COL19A1: variants seen among roughly 807,000 people sequenced by gnomAD.
The protein encoded by COL19A1 is collagen alpha-1(XIX) chain.
Under a neutral mutation model 190.2 loss-of-function variants are expected in COL19A1, and 159 were observed. The observed-to-expected ratio is 0.84, with a 90% CI of 0.73 to 0.95. The LOEUF (loss-of-function observed/expected upper bound fraction) is 0.95. Among genes scored for constraint, COL19A1 ranks in the 40% least tolerant of loss-of-function variants. COL19A1 has a pLI of 0.00. For synonymous variants in COL19A1, 509 were observed against 458.9 expected (o/e 1.11, Z -1.39); for missense variants, 1,418 against 1,431.9 (o/e 0.99, Z 0.16).
intron 12 of COL19A1, 81 bp from the exon 13 acceptor site, chr6:70,034,164 T>C: frequency 1.0e-6 from 1 of 970,792 alleles, no homozygotes; most frequent in Non-Finnish European, 1.7e-6. Context: ...GTTCAGTAAA[T>C]TATGATTTAT....
In COL19A1 at chr6:70,130,230, A is replaced by G; in HGVS notation, c.1383+7A>G. 1 of 1,610,512 alleles carries G rather than the reference A, an allele frequency of 6.2e-7. No homozygotes were observed. Among genetic ancestry groups the G allele is most frequent in the Non-Finnish European group, 8.5e-7 (1 of 1,178,600 alleles). The stretch of plus-strand genomic sequence containing the variant: ...AGGCCTGAAAGGAGACAAGGTAATC[A>G]GATTTTTTTTTTTTAGATGGAGTCT... On this transcript the variant is annotated splice_region_variant and intron_variant, in intron 18 of 50. Coordinates refer to ENST00000620364, the MANE Select transcript of COL19A1 (RefSeq NM_001858.6).
chr6:70,204,039 T>G (rs1465408050), intron 49 of COL19A1, among the ~76,000 whole-genome samples: 1 of 152,130 alleles, frequency 6.6e-6, no homozygotes, highest in Non-Finnish European at 1.5e-5. Context: ...TTTTGTATTT[T>G]TAGTAGAGAT....
At chr6:70,200,141 G>C (rs1767462285) in intron 49 of COL19A1, among the ~76,000 whole-genome samples, 1 of 152,152 alleles carries the variant, frequency 6.6e-6, no homozygotes, top group South Asian at 2.1e-4. Context: ...TGGAGAAAGA[G>C]TTTTAGGTGA....
chr6:70,025,694 T>C (rs6935032), intron 12 of COL19A1, among the ~76,000 whole-genome samples: 14,633 of 152,300 alleles, frequency 0.096, 777 homozygotes, highest in East Asian at 0.2. Context: ...AGACCATGTG[T>C]TGGAATCCTA....
chr6:70,005,818 G>A (rs958760162), intron 11 of COL19A1, among the ~76,000 whole-genome samples: 3 of 152,020 alleles, frequency 2.0e-5, no homozygotes, highest in African/African-American at 7.3e-5. Context: ...AGGGGCTCAT[G>A]CCCAGGGAGA....
At chr6:70,115,825 G>GTTTTTTTTT (rs57814985) in intron 16 of COL19A1, among the ~76,000 whole-genome samples, 115 of 117,148 alleles carry the variant, frequency 9.8e-4, no homozygotes, top group African/African-American at 1.6e-3. Flanking sequence ...TTGGTGTTTT[G>GTTTTTTTTT]TTTTTTTTTT....
intron 12 of COL19A1, among the ~76,000 whole-genome samples, chr6:70,028,850 G>A (rs1778867715): frequency 6.6e-6 from 1 of 152,078 alleles, no homozygotes; most frequent in South Asian, 2.1e-4. Flanking sequence ...CATAGGGCAA[G>A]AACTATATAA....
intron 2 of COL19A1, among the ~76,000 whole-genome samples, chr6:69,892,217 A>G (rs781551865): frequency 9.9e-5 from 15 of 152,208 alleles, no homozygotes; most frequent in Admixed American, 1.3e-4. Flanking sequence ...GATTTGCAGG[A>G]TAATTGCTCA....
intron 11 of COL19A1, among the ~76,000 whole-genome samples, chr6:69,980,191 A>G (rs1175349323): frequency 6.6e-6 from 1 of 152,074 alleles, no homozygotes; most frequent in Non-Finnish European, 1.5e-5. Flanking sequence ...CTATAATGTC[A>G]TAGTAACAAA....
At chr6:69,870,904 C>T (rs545902927) in intron 1 of COL19A1, among the ~76,000 whole-genome samples, 23 of 152,066 alleles carry the variant, frequency 1.5e-4, no homozygotes, top group Non-Finnish European at 2.6e-4. Context: ...TAGACTTTGA[C>T]AGAGATTTGA....
intron 42 of COL19A1, among the ~76,000 whole-genome samples, chr6:70,177,533 C>G (rs1765892397): frequency 6.6e-6 from 1 of 152,206 alleles, no homozygotes; most frequent in Non-Finnish European, 1.5e-5. Flanking sequence ...TGATGACATT[C>G]CCTTACTTAG....
At position 70,208,234 on chromosome 6, in the gene COL19A1, A is replaced by G. The variant is rs907039065; in HGVS notation, c.*960A>G. On this transcript the variant is annotated 3_prime_UTR_variant, in exon 51 of 51. Coordinates refer to ENST00000620364, the MANE Select transcript of COL19A1 (RefSeq NM_001858.6). ...CCTCATCACCCTCAGACTTTAAGACAAGAAGCCACCATCAAAACAAAGGAT... is the reference window on the plus strand; with the variant it reads ...CCTCATCACCCTCAGACTTTAAGACGAGAAGCCACCATCAAAACAAAGGAT... 1 of 152,242 alleles carries G rather than the reference A, an allele frequency of 6.6e-6. No individual in the cohort carries two copies. The highest frequency in any genetic ancestry group is 6.5e-5 in the Admixed American group (1 of 15,282). 9.4% of individuals were successfully genotyped at this position (152,242 alleles called of 1,614,324 possible). A position where few individuals can be genotyped will look rare whatever the true frequency, so the allele number is the denominator to read the frequency against.
At chr6:69,870,931 A>G (rs1380007535) in intron 1 of COL19A1, among the ~76,000 whole-genome samples, 1 of 152,204 alleles carries the variant, frequency 6.6e-6, no homozygotes, top group African/African-American at 2.4e-5. Context: ...GTGAGGGTGA[A>G]TAAATTGAAG....
chr6:70,123,785 G>A (rs1024605886), intron 17 of COL19A1, among the ~76,000 whole-genome samples: 3 of 141,516 alleles, frequency 2.1e-5, no homozygotes, highest in Admixed American at 1.5e-4. Flanking sequence ...CACAGGAAGG[G>A]GAATATCACA....
intron 18 of COL19A1, among the ~76,000 whole-genome samples, chr6:70,134,243 T>C (rs1410385429): frequency 6.6e-6 from 1 of 152,194 alleles, no homozygotes; most frequent in Non-Finnish European, 1.5e-5. Flanking sequence ...TGTTCCTAAA[T>C]GTATCCCCCA....
At chr6:70,142,886 C>T (rs1786356670) in intron 23 of COL19A1, 66 bp downstream of exon 23, 1 of 1,420,628 alleles carries the variant, frequency 7.0e-7, no homozygotes, top group Non-Finnish European at 9.8e-7. Flanking sequence ...TTAAAAACAT[C>T]AACATGTGTT....
chr6:69,986,871 T>A (rs1388903652), intron 11 of COL19A1, among the ~76,000 whole-genome samples: 1 of 152,146 alleles, frequency 6.6e-6, no homozygotes, highest in South Asian at 2.1e-4. Flanking sequence ...CCATTAGAAA[T>A]TCTATTTCTA....
At chr6:69,973,148 G>C (rs1318686692) in intron 11 of COL19A1, among the ~76,000 whole-genome samples, 2 of 152,154 alleles carry the variant, frequency 1.3e-5, no homozygotes, top group African/African-American at 4.8e-5. Context: ...GTATAAAAGG[G>C]TGGTTTTACA....
chr6:69,893,755 A>G (rs1171900837), intron 2 of COL19A1, among the ~76,000 whole-genome samples: 1 of 152,164 alleles, frequency 6.6e-6, no homozygotes, highest in East Asian at 1.9e-4. Flanking sequence ...GAGATAATCA[A>G]CTAACAGCCA....
Sources: gnomAD v4.1 joint callset for allele counts (sites outside exome capture counted in the v4.1 genomes callset) on GRCh38, gnomAD v4.1.1 for gene constraint, MANE v1.5 for transcripts, NCBI Gene and HGNC (gene_info 2026-07-23, HGNC 2026-07-21) for gene names.